Variants in SLC39A14 observed in about 807,000 individuals in gnomAD.
SLC39A14 encodes metal cation symporter ZIP14.
SLC39A14 carries 19 observed loss-of-function variants against 45.5 expected under a neutral mutation model. That is an observed-to-expected ratio of 0.42 (90% CI 0.29 to 0.61). SLC39A14 has a LOEUF of 0.61. SLC39A14 is among the 20% of genes least tolerant of loss of function. SLC39A14 has a pLI of 0.22. For missense variants in SLC39A14, 447 were observed against 616.5 expected (o/e 0.73, Z 2.91); for synonymous variants, 264 against 251.3 (o/e 1.05, Z -0.48).
At chr8:22,396,600 A>AGAGAGGGAAGGAC (rs1563534591) in intron 1 of SLC39A14, among the ~76,000 whole-genome samples, 1 of 25,168 alleles carries the variant, frequency 4.0e-5, no homozygotes, top group Admixed American at 5.3e-4. Flanking sequence ...GAGAGAGAGA[A>AGAGAGGGAAGGAC]GACTAAGTGG....
intron 1 of SLC39A14, chr8:22,398,868 A>T (rs1364211825): frequency 2.1e-6 from 1 of 471,468 alleles, no homozygotes; most frequent in Non-Finnish European, 2.8e-6. Flanking sequence ...GGGTTCCAGA[A>T]CAGGTGTCTT....
At chr8:22,428,147 A>G (rs1358941968) in intron 8 of SLC39A14, among the ~76,000 whole-genome samples, 3 of 152,058 alleles carry the variant, frequency 2.0e-5, no homozygotes, top group African/African-American at 7.2e-5. Flanking sequence ...AAAATACAAA[A>G]TTAGCTGGGT....
chr8:22,395,474 T>C (rs1188057826), intron 1 of SLC39A14, among the ~76,000 whole-genome samples: 1 of 152,252 alleles, frequency 6.6e-6, no homozygotes, highest in Non-Finnish European at 1.5e-5. Context: ...ACACCAAGCA[T>C]ATAGGAGTTA....
At position 22,420,714 on chromosome 8, in the gene SLC39A14, G is replaced by A. The variant is rs1836177465; in HGVS notation, c.*1016G>A. 3 of 985,396 alleles carry A rather than the reference G, an allele frequency of 3.0e-6. No individual in the cohort carries two copies. In the South Asian group the frequency reaches 1.4e-4, roughly 46 times the overall value. 61.0% of individuals were successfully genotyped at this position (985,396 alleles called of 1,614,324 possible). On this transcript the variant is annotated 3_prime_UTR_variant, in exon 9 of 9. Coordinates refer to ENST00000381237, the MANE Select transcript of SLC39A14 (RefSeq NM_001128431.4). Reference sequence around the variant, plus strand: ...TACTTAGACAAGGGTAATCAGAAATGGAATCAGTGCAGGCAAAATTTAGGA... The same window carrying A: ...TACTTAGACAAGGGTAATCAGAAATAGAATCAGTGCAGGCAAAATTTAGGA...
At chr8:22,394,421 G>A (rs1008522344) in intron 1 of SLC39A14, among the ~76,000 whole-genome samples, 3 of 150,436 alleles carry the variant, frequency 2.0e-5, no homozygotes, top group Non-Finnish European at 4.4e-5. Context: ...CCGAGTTCAC[G>A]CCATTCTCCT....
At chr8:22,432,522 AG>A (rs1269043083) in intron 8 of SLC39A14, among the ~76,000 whole-genome samples, 1 of 149,166 alleles carries the variant, frequency 6.7e-6, no homozygotes, top group Non-Finnish European at 1.5e-5. Context: ...TCTGCCACCC[AG>A]GCTGTAGTGT....
intron 6 of SLC39A14, 32 bp from the exon 7 acceptor site, chr8:22,416,041 G>C (rs202049211): frequency 1.2e-6 from 2 of 1,611,658 alleles, no homozygotes; most frequent in African/African-American, 2.7e-5. Context: ...AGCCTTTGAC[G>C]CTGTGGGCCC....
intron 1 of SLC39A14, among the ~76,000 whole-genome samples, chr8:22,374,654 G>A (rs781178272): frequency 2.0e-5 from 3 of 151,930 alleles, no homozygotes; most frequent in Non-Finnish European, 4.4e-5. Flanking sequence ...TCTAAGGTAC[G>A]AGTGTTCTCT....
chr8:22,420,357 G>C lies in SLC39A14; in HGVS notation c.*659G>C. The C allele has an allele frequency of 1.0e-6, 1 of 985,458 alleles. No individual in the cohort carries two copies. Among genetic ancestry groups the C allele is most frequent in the Non-Finnish European group, 1.2e-6 (1 of 829,948 alleles). The allele number at this position is 985,458 out of a possible 1,614,324, so 61.0% of individuals were successfully genotyped here. On this transcript the variant is annotated 3_prime_UTR_variant, in exon 9 of 9. Transcript: ENST00000381237. ...CTCACTTGTTCCTACTGAGATGCTG[G>C]ATATTGATTTTGTAACAGCACCTGG...
At chr8:22,409,223 G>A (rs1002605312) in intron 3 of SLC39A14, among the ~76,000 whole-genome samples, 2 of 152,188 alleles carry the variant, frequency 1.3e-5, no homozygotes, top group African/African-American at 4.8e-5. Flanking sequence ...TCCAGCCACA[G>A]TGGGCTTGCC....
intron 3 of SLC39A14, chr8:22,410,208 C>T (rs112152908): frequency 4.6e-5 from 58 of 1,269,246 alleles, no homozygotes; most frequent in Non-Finnish European, 6.4e-5. Flanking sequence ...CCAAGGCACC[C>T]AATGACTGCC....
intron 1 of SLC39A14, among the ~76,000 whole-genome samples, chr8:22,369,145 G>A (rs1832801409): frequency 6.6e-6 from 1 of 152,162 alleles, no homozygotes; most frequent in Non-Finnish European, 1.5e-5. Flanking sequence ...TTGGTTTGCA[G>A]GTAAGACTAG....
At position 22,420,399 on chromosome 8, in the gene SLC39A14, G is replaced by A. The variant is rs910055584; in HGVS notation, c.*701G>A. 9.1e-6 allele frequency: 9 copies of A among 985,328 alleles called. No homozygotes were observed. Among genetic ancestry groups the A allele is most frequent in the South Asian group, 4.7e-5 (1 of 21,280 alleles). 61.0% of individuals were successfully genotyped at this position (985,328 alleles called of 1,614,324 possible). On this transcript the variant is annotated 3_prime_UTR_variant, in exon 9 of 9. Coordinates refer to ENST00000381237, the MANE Select transcript of SLC39A14 (RefSeq NM_001128431.4). ...AGCACCTGGTGTTTCACGGCTGTCC[G>A]AGTGAGCTAACGTGGCGGTGTGGCT...
intron 1 of SLC39A14, among the ~76,000 whole-genome samples, chr8:22,383,746 C>T (rs1320956372): frequency 2.0e-5 from 3 of 152,168 alleles, no homozygotes; most frequent in East Asian, 1.9e-4. Flanking sequence ...ACTGAGGGCG[C>T]GTCCTGTGCC....
intron 8 of SLC39A14, among the ~76,000 whole-genome samples, chr8:22,432,174 A>G (rs1836476352): frequency 6.6e-6 from 1 of 152,058 alleles, no homozygotes; most frequent in South Asian, 2.1e-4. Context: ...CTCTAAAAAA[A>G]GAAAAAAATA....
At chr8:22,385,955 T>A (rs1385485209) in intron 1 of SLC39A14, among the ~76,000 whole-genome samples, 2 of 152,230 alleles carry the variant, frequency 1.3e-5, no homozygotes, top group African/African-American at 4.8e-5. Context: ...ATTTTATTTT[T>A]TTGAGAGACA....
intron 1 of SLC39A14, among the ~76,000 whole-genome samples, chr8:22,372,127 A>G (rs1832973116): frequency 6.6e-6 from 1 of 152,170 alleles, no homozygotes; most frequent in African/African-American, 2.4e-5. Flanking sequence ...TTGAGTCTTT[A>G]GATCCCTTAT....
intron 8 of SLC39A14, among the ~76,000 whole-genome samples, chr8:22,428,359 G>C (rs1836418229): frequency 6.6e-6 from 1 of 151,560 alleles, no homozygotes; most frequent in Admixed American, 6.6e-5. Flanking sequence ...CTGGCTTTAA[G>C]GTATATTCCC....
In SLC39A14 at chr8:22,420,649, T is replaced by C; in HGVS notation, c.*951T>C. ...CCCCCAGGTTGAGACGTCTGCAGAG[T>C]GGCAAGCTGACTTGTAGAAATGGGG... On this transcript the variant is annotated 3_prime_UTR_variant, in exon 9 of 9. Transcript: ENST00000381237. The C allele has an allele frequency of 1.0e-6, 1 of 985,236 alleles. No homozygotes were observed. The highest frequency in any genetic ancestry group is 1.2e-6 in the Non-Finnish European group (1 of 829,918). The allele number at this position is 985,236 out of a possible 1,614,324, so 61.0% of individuals were successfully genotyped here. A position where few individuals can be genotyped will look rare whatever the true frequency, so the allele number is the denominator to read the frequency against.
Sources: gnomAD v4.1 joint callset for allele counts (sites outside exome capture counted in the v4.1 genomes callset) on GRCh38, gnomAD v4.1.1 for gene constraint, MANE v1.5 for transcripts, NCBI Gene and HGNC (gene_info 2026-07-23, HGNC 2026-07-21) for gene names.